SPATA13: variants seen among roughly 807,000 people sequenced by gnomAD.
The protein encoded by SPATA13 is spermatogenesis-associated protein 13.
A neutral mutation model predicts 104.0 loss-of-function variants in SPATA13; 50 were observed. That is an observed-to-expected ratio of 0.48 (90% CI 0.38 to 0.61). SPATA13 has a LOEUF of 0.61. SPATA13 is among the 20% of genes least tolerant of loss of function. The pLI is 0.00. For missense variants in SPATA13, 1,524 were observed against 1,690.6 expected (o/e 0.90, Z 1.73); for synonymous variants, 606 against 667.5 (o/e 0.91, Z 1.42).
chr13:24,147,196 G>A (rs1437598700), intron 3 of SPATA13, among the ~76,000 whole-genome samples: 1 of 152,084 alleles, frequency 6.6e-6, no homozygotes, highest in Admixed American at 6.6e-5. Flanking sequence ...CTGATTAATT[G>A]GCCTGGTGGT....
intron 3 of SPATA13, among the ~76,000 whole-genome samples, chr13:24,116,874 TCAGGTGAAGAGATAC>T (rs1880864764): frequency 6.6e-6 from 1 of 151,712 alleles, no homozygotes; most frequent in South Asian, 2.1e-4. Context: ...ATTAATGCCA[TCAGGTGAAGAGATAC>T]CAGAGACCTT....
chr13:24,135,972 T>C (rs4770601), intron 3 of SPATA13, among the ~76,000 whole-genome samples: 80,875 of 151,994 alleles, frequency 0.53, 21,827 homozygotes, highest in Admixed American at 0.61. Context: ...GTGAATCTTT[T>C]GATCTCCTGG....
chr13:23,986,910 A>G (rs1462354729), intron 2 of SPATA13, among the ~76,000 whole-genome samples: 1 of 152,074 alleles, frequency 6.6e-6, no homozygotes, highest in Admixed American at 6.6e-5. Flanking sequence ...AGTTCAGCAT[A>G]TTGAGAGTGA....
At chr13:24,098,153 A>C (rs1378645330) in intron 3 of SPATA13, among the ~76,000 whole-genome samples, 1 of 152,246 alleles carries the variant, frequency 6.6e-6, no homozygotes, top group Non-Finnish European at 1.5e-5. Flanking sequence ...TCTTTAAAAA[A>C]TTAAGAGACT....
At chr13:24,024,143 T>C (rs1256606098) in intron 3 of SPATA13, among the ~76,000 whole-genome samples, 1 of 152,184 alleles carries the variant, frequency 6.6e-6, no homozygotes, top group Non-Finnish European at 1.5e-5. Context: ...GAGCAATCCA[T>C]TTCTACACAG....
rs188829177 is a variant in SPATA13 at position 24,277,264 on chromosome 13, G to A, written c.2165-6871G>A. 5.2e-4 allele frequency among the ~76,000 whole-genome samples: 79 copies of A among 152,094 alleles called. 2 individuals are homozygous for A. In the East Asian group the frequency reaches 0.014, roughly 26 times the overall value. Reference sequence around the variant, plus strand: ...TCGAGACCATCCTGGCTAACATGGTGAAACCACGTCTCTACTAAAAATACA... The same window carrying A: ...TCGAGACCATCCTGGCTAACATGGTAAAACCACGTCTCTACTAAAAATACA... On this transcript the variant is annotated intron_variant, in intron 4 of 12. Coordinates refer to ENST00000382108, the MANE Select transcript of SPATA13 (RefSeq NM_001166271.3).
intron 3 of SPATA13, among the ~76,000 whole-genome samples, chr13:24,087,602 C>G (rs1593321208): frequency 6.6e-6 from 1 of 152,168 alleles, no homozygotes; most frequent in Non-Finnish European, 1.5e-5. Flanking sequence ...AGTCAGTGAA[C>G]AGTGGGGCGA....
chr13:24,142,006 T>G (rs2138458873), intron 3 of SPATA13, among the ~76,000 whole-genome samples: 1 of 152,302 alleles, frequency 6.6e-6, no homozygotes, highest in African/African-American at 2.4e-5. Flanking sequence ...CACAGTCTAC[T>G]TTTTCCTTTT....
At position 24,302,893 on chromosome 13, in the gene SPATA13, T is replaced by C; in HGVS notation, c.*120T>C. 7.8e-7 allele frequency: 1 copy of C among 1,281,142 alleles called. No homozygotes were observed. The highest frequency in any genetic ancestry group is 1.1e-6 in the Non-Finnish European group (1 of 911,236). The allele number at this position is 1,281,142 out of a possible 1,614,324, so 79.4% of individuals were successfully genotyped here. Reference sequence around the variant, plus strand: ...AGTGATAAAAACTTCCTTTTAGGGATCAATGAAGGAGAGAAGGTCTTGGAA... The same window carrying C: ...AGTGATAAAAACTTCCTTTTAGGGACCAATGAAGGAGAGAAGGTCTTGGAA... On this transcript the variant is annotated 3_prime_UTR_variant, in exon 13 of 13. Transcript: ENST00000382108.
At chr13:24,219,545 G>A (rs537066068) in intron 1 of SPATA13, among the ~76,000 whole-genome samples, 8 of 152,342 alleles carry the variant, frequency 5.3e-5, no homozygotes, top group South Asian at 2.1e-4. Flanking sequence ...ACTTCACATC[G>A]AAGTTAAATC....
chr13:24,029,692 G>A (rs1877388619), intron 3 of SPATA13, among the ~76,000 whole-genome samples: 1 of 151,944 alleles, frequency 6.6e-6, no homozygotes. Flanking sequence ...GTGTCATGGG[G>A]GTTTGTTGTA....
At chr13:24,060,606 T>G (rs2137753650) in intron 3 of SPATA13, among the ~76,000 whole-genome samples, 2 of 152,296 alleles carry the variant, frequency 1.3e-5, no homozygotes, top group South Asian at 4.2e-4. Context: ...ACTTAAGAGC[T>G]TCTGCACAGC....
chr13:24,015,181 C>T (rs561730003), intron 2 of SPATA13, among the ~76,000 whole-genome samples: 127 of 152,214 alleles, frequency 8.3e-4, no homozygotes, highest in Admixed American at 2.2e-3. Flanking sequence ...TGTGAGCCAC[C>T]GTGCCTGGCC....
intron 2 of SPATA13, among the ~76,000 whole-genome samples, chr13:24,242,310 A>G (rs1208769426): frequency 2.0e-5 from 3 of 152,128 alleles, no homozygotes; most frequent in Non-Finnish European, 1.5e-5. Flanking sequence ...CTACACACAC[A>G]TGGATGAATG....
intron 11 of SPATA13, 85 bp downstream of exon 11, chr13:24,297,820 C>A: frequency 6.8e-7 from 1 of 1,468,100 alleles, no homozygotes; most frequent in Non-Finnish European, 9.1e-7. Context: ...CTGCTCTGCC[C>A]AGCCTTCTCC....
At chr13:24,044,577 C>T (rs190431275) in intron 3 of SPATA13, among the ~76,000 whole-genome samples, 1 of 152,136 alleles carries the variant, frequency 6.6e-6, no homozygotes, top group Non-Finnish European at 1.5e-5. Context: ...GTACAGGGTA[C>T]AGTGTGATGT....
At chr13:24,237,917 A>G (rs547980997) in intron 2 of SPATA13, among the ~76,000 whole-genome samples, 4 of 148,412 alleles carry the variant, frequency 2.7e-5, no homozygotes, top group Non-Finnish European at 3.0e-5. Context: ...TAAATATGCA[A>G]TATATAAACA....
upstream of SPATA13, among the ~76,000 whole-genome samples, chr13:24,157,346 T>C (rs2138478309): frequency 6.6e-6 from 1 of 152,316 alleles, no homozygotes; most frequent in East Asian, 1.9e-4. Context: ...TCACCCAGGC[T>C]GGAGTGCAGG....
chr13:24,295,737 G>A (rs779957349), intron 10 of SPATA13, among the ~76,000 whole-genome samples: 1 of 151,808 alleles, frequency 6.6e-6, no homozygotes, highest in African/African-American at 2.4e-5. Context: ...ACCTGTATGT[G>A]TTTACCACAT....
Sources: gnomAD v4.1 joint callset for allele counts (sites outside exome capture counted in the v4.1 genomes callset) on GRCh38, gnomAD v4.1.1 for gene constraint, MANE v1.5 for transcripts, NCBI Gene and HGNC (gene_info 2026-07-23, HGNC 2026-07-21) for gene names.